The following SLC71A2 variants were observed in gnomAD, a reference collection of about 807,000 sequenced individuals.
The protein encoded by SLC71A2 is hippocampus abundant transcript-like 1.
the SLC71A2 span, among the ~76,000 whole-genome samples, chr9:94,453,614 G>T: frequency 1.3e-5 from 2 of 152,226 alleles, no homozygotes; most frequent in African/African-American, 4.8e-5. Flanking sequence ...GCTATTCACA[G>T]ATATTTAAGT....
At chr9:94,408,007 A>G in the SLC71A2 span, among the ~76,000 whole-genome samples, 2 of 152,150 alleles carry the variant, frequency 1.3e-5, no homozygotes, top group African/African-American at 2.4e-5. Context: ...CTTGTGTTCA[A>G]GTAGCCCTTA....
chr9:94,420,711 C>T, the SLC71A2 span, among the ~76,000 whole-genome samples: 6 of 151,310 alleles, frequency 4.0e-5, no homozygotes, highest in African/African-American at 1.5e-4. Context: ...TTAGCCTGGC[C>T]AACATAGTGA....
the SLC71A2 span, among the ~76,000 whole-genome samples, chr9:94,457,673 CATGG>C: frequency 1.3e-5 from 2 of 152,100 alleles, no homozygotes; most frequent in East Asian, 3.8e-4. Context: ...TCATTTGGGG[CATGG>C]ATTTTCTTTT....
the SLC71A2 span, among the ~76,000 whole-genome samples, chr9:94,403,206 G>A: frequency 6.6e-6 from 1 of 151,972 alleles, no homozygotes; most frequent in Non-Finnish European, 1.5e-5. Flanking sequence ...GCGCGATCTC[G>A]GCTCACTGCA....
chr9:94,403,896 G>T, the SLC71A2 span, among the ~76,000 whole-genome samples: 1 of 152,160 alleles, frequency 6.6e-6, no homozygotes, highest in Non-Finnish European at 1.5e-5. Flanking sequence ...AAATTCATGT[G>T]TTGGGAACTT....
the SLC71A2 span, among the ~76,000 whole-genome samples, chr9:94,449,796 T>G: frequency 6.6e-6 from 1 of 152,216 alleles, no homozygotes; most frequent in Non-Finnish European, 1.5e-5. Context: ...TCATAATGTC[T>G]AGAAAGTAGA....
At chr9:94,419,433 A>G in the SLC71A2 span, among the ~76,000 whole-genome samples, 2 of 150,984 alleles carry the variant, frequency 1.3e-5, no homozygotes, top group Admixed American at 1.3e-4. Context: ...AGCTGGGATT[A>G]TAGGTGCCCG....
the SLC71A2 span, chr9:94,438,361 C>A: frequency 1.2e-6 from 2 of 1,613,928 alleles, no homozygotes; most frequent in Non-Finnish European, 1.7e-6. Context: ...ATTGAGGGAT[C>A]AGATTATAAA....
chr9:94,444,734 C>G, the SLC71A2 span, among the ~76,000 whole-genome samples: 5 of 152,206 alleles, frequency 3.3e-5, no homozygotes, highest in African/African-American at 4.8e-5. Flanking sequence ...TTTATGAACA[C>G]ATTCTTAAAT....
chr9:94,401,355 G>A, the SLC71A2 span, among the ~76,000 whole-genome samples: 2 of 152,236 alleles, frequency 1.3e-5, no homozygotes, highest in South Asian at 4.2e-4. Context: ...TGTATTTTTA[G>A]TAGAGATGGG....
chr9:94,390,344 A>C, the SLC71A2 span, among the ~76,000 whole-genome samples: 1 of 149,392 alleles, frequency 6.7e-6, no homozygotes. Context: ...GAATGGTTGG[A>C]AGGAAGGGCT....
the SLC71A2 span, among the ~76,000 whole-genome samples, chr9:94,436,510 T>G: frequency 0.19 from 29,165 of 152,098 alleles, 2,960 homozygotes; most frequent in Middle Eastern, 0.28. Flanking sequence ...ACCCACAGCT[T>G]CTTTTATATA....
the SLC71A2 span, among the ~76,000 whole-genome samples, chr9:94,424,427 G>C: frequency 6.6e-6 from 1 of 151,986 alleles, no homozygotes; most frequent in East Asian, 1.9e-4. Flanking sequence ...TAGATACTGG[G>C]TTTCACCATG....
the SLC71A2 span, among the ~76,000 whole-genome samples, chr9:94,403,983 T>A: frequency 2.0e-5 from 3 of 152,162 alleles, no homozygotes; most frequent in African/African-American, 7.2e-5. Flanking sequence ...CCATTATCAA[T>A]GGATTAATGC....
chr9:94,444,184 G>A, the SLC71A2 span, among the ~76,000 whole-genome samples: 1 of 152,188 alleles, frequency 6.6e-6, no homozygotes, highest in Non-Finnish European at 1.5e-5. Flanking sequence ...TGCCCGATAA[G>A]CATCTGACCA....
the SLC71A2 span, chr9:94,460,127 CCTG>C: frequency 6.6e-6 from 1 of 152,262 alleles, no homozygotes; most frequent in Non-Finnish European, 1.5e-5. Flanking sequence ...GACCTGGTGT[CCTG>C]GTTGGGTCCA....
the SLC71A2 span, among the ~76,000 whole-genome samples, chr9:94,397,974 G>A: frequency 1.3e-5 from 2 of 152,096 alleles, no homozygotes; most frequent in Admixed American, 1.3e-4. Context: ...ACTATGTGCA[G>A]CCCACGCTTT....
chr9:94,459,289 C>T, the SLC71A2 span: 12 of 1,614,132 alleles, frequency 7.4e-6, no homozygotes, highest in South Asian at 9.9e-5. Flanking sequence ...ACAGCAGCAG[C>T]GGCAGCCTGA....
chr9:94,458,690 C>T, the SLC71A2 span, among the ~76,000 whole-genome samples: 1 of 152,124 alleles, frequency 6.6e-6, no homozygotes, highest in South Asian at 2.1e-4. Context: ...CTGTTTTCAC[C>T]TACACAATCA....
Sources: allele counts gnomAD v4.1 joint callset (sites outside exome capture counted in the v4.1 genomes callset), GRCh38; gene constraint gnomAD v4.1.1; transcripts MANE v1.5; gene names NCBI Gene and HGNC (gene_info 2026-07-23, HGNC 2026-07-21).